Variants in ABCB7 observed in about 807,000 individuals in gnomAD.
The protein encoded by ABCB7 is ATP binding cassette subfamily B member 7.
A neutral mutation model predicts 54.4 loss-of-function variants in ABCB7; 7 were observed. The observed-to-expected ratio is 0.13, with a 90% confidence interval of 0.07 to 0.24. The LOEUF (loss-of-function observed/expected upper bound fraction) is 0.24. ABCB7 is among the 10% of genes least tolerant of loss of function. The pLI, the probability that ABCB7 is intolerant of heterozygous loss-of-function variation, is 1.00. For synonymous variants in ABCB7, 218 were observed against 207.1 expected, an observed-to-expected ratio of 1.05 and a Z score of -0.45; for missense variants, 356 against 570.4, an observed-to-expected ratio of 0.62 and a Z score of 3.83.
chrX:75,152,580 T>C (rs2082139367), intron 1 of ABCB7, among the ~76,000 whole-genome samples: 1 of 112,275 alleles, frequency 8.9e-6, no homozygotes, highest in South Asian at 3.6e-4. Flanking sequence ...GCAAATGAAG[T>C]CCACATCTTT....
At position 75,052,077 on chromosome X, in the gene ABCB7, T is replaced by C. The variant is rs1367049079; in HGVS notation, c.*1293A>G. 3 of 112,096 alleles carry C rather than the reference T, an allele frequency of 2.7e-5. No homozygotes were observed. Among genetic ancestry groups the C allele is most frequent in the Non-Finnish European group, 5.6e-5 (3 of 53,218 alleles). The allele number at this position is 112,096 out of a possible 1,213,427, so 9.2% of individuals were successfully genotyped here. A position where few individuals can be genotyped will look rare whatever the true frequency, so the allele number is the denominator to read the frequency against. On this transcript the variant is annotated 3_prime_UTR_variant, in exon 16 of 16. Coordinates refer to ENST00000373394, the MANE Select transcript of ABCB7 (RefSeq NM_001271696.3). Reference sequence around the variant, plus strand: ...AAATAAAATTCTAATCACTAGATGATAGTTATGGTGCTGCTTAATGATGAA... The same window carrying C: ...AAATAAAATTCTAATCACTAGATGACAGTTATGGTGCTGCTTAATGATGAA...
chrX:75,128,598 T>C (rs1315308865), intron 1 of ABCB7, among the ~76,000 whole-genome samples: 1 of 111,334 alleles, frequency 9.0e-6, no homozygotes, highest in African/African-American at 3.3e-5. Context: ...AATTGACAAA[T>C]GGGATCTAAT....
intron 3 of ABCB7, among the ~76,000 whole-genome samples, chrX:75,103,106 G>A (rs1164386352): frequency 9.0e-6 from 1 of 111,526 alleles, no homozygotes. Flanking sequence ...TTTGCTGTGT[G>A]GAAGCTTTTA....
chrX:75,076,340 A>T (rs1319903445), intron 5 of ABCB7, among the ~76,000 whole-genome samples, 182 bp downstream of exon 5: 1 of 112,413 alleles, frequency 8.9e-6, no homozygotes, highest in African/African-American at 3.2e-5. Flanking sequence ...GTTATCATGG[A>T]ATTTTTTGAA....
chrX:75,098,307 T>TC (rs1555950209), intron 4 of ABCB7, among the ~76,000 whole-genome samples: 1 of 97,834 alleles, frequency 1.0e-5, no homozygotes, highest in African/African-American at 3.8e-5. Context: ...AGACTCTGTA[T>TC]CAAAAAAAAA....
chrX:75,083,627 A>G (rs2081473856), intron 4 of ABCB7, among the ~76,000 whole-genome samples: 1 of 110,360 alleles, frequency 9.1e-6, no homozygotes, highest in Non-Finnish European at 1.9e-5. Flanking sequence ...AAAAAACTGG[A>G]ATAGCTAAAA....
intron 1 of ABCB7, among the ~76,000 whole-genome samples, chrX:75,117,229 G>A (rs907067166): frequency 1.8e-5 from 2 of 110,669 alleles, no homozygotes; most frequent in African/African-American, 6.6e-5. Flanking sequence ...AACCACATAA[G>A]AGACAATACT....
intron 1 of ABCB7, among the ~76,000 whole-genome samples, chrX:75,115,410 C>CTTTTTTTTTTTTTTTTTTT (rs747398607): frequency 5.0e-4 from 15 of 30,178 alleles, no homozygotes; most frequent in African/African-American, 9.0e-4. Flanking sequence ...TGTCTCTTTT[C>CTTTTTTTTTTTTTTTTTTT]TTTTTTTTTT....
At chrX:75,085,833 A>G (rs2081492688) in intron 4 of ABCB7, among the ~76,000 whole-genome samples, 1 of 107,147 alleles carries the variant, frequency 9.3e-6, no homozygotes, top group Non-Finnish European at 1.9e-5. Context: ...GTACACGAGA[A>G]ATAAAGGAAC....
chrX:75,103,224 T>G (rs1375791677), intron 3 of ABCB7, among the ~76,000 whole-genome samples: 1 of 111,641 alleles, frequency 9.0e-6, no homozygotes, highest in African/African-American at 3.2e-5. Context: ...TTCCCTATTT[T>G]TTCTTCCAGT....
intron 13 of ABCB7, among the ~76,000 whole-genome samples, chrX:75,063,052 G>A (rs1256365385): frequency 9.0e-6 from 1 of 110,926 alleles, no homozygotes; most frequent in Non-Finnish European, 1.9e-5. Context: ...AAGGATATAG[G>A]CCCAGAAAAG....
rs747398607 is a variant in ABCB7 at position 75,115,410 on chromosome X, C to CTTT, written c.169-582_169-580dup. 1.3e-3 allele frequency among the ~76,000 whole-genome samples: 39 copies of CTTT among 30,167 alleles called. 1 individual carries two copies. Among genetic ancestry groups the CTTT allele is most frequent in the African/African-American group, 6.5e-3 (36 of 5,555 alleles). 26.2% of individuals were successfully genotyped at this position (30,167 alleles called of 115,157 possible). A position where few individuals can be genotyped will look rare whatever the true frequency, so the allele number is the denominator to read the frequency against. ...TTTCTTTCTGGTTTCTGTCTCTTTT[C>CTTT]TTTTTTTTTTTTTTTTTTTTTTTTT... On this transcript the variant is annotated intron_variant, in intron 1 of 15. Coordinates refer to ENST00000373394, the MANE Select transcript of ABCB7 (RefSeq NM_001271696.3).
At chrX:75,066,939 T>C (rs1157977929) in intron 12 of ABCB7, among the ~76,000 whole-genome samples, 1 of 111,968 alleles carries the variant, frequency 8.9e-6, no homozygotes, top group Non-Finnish European at 1.9e-5. Context: ...TGTTGGACAT[T>C]TACATTGTTT....
At chrX:75,117,819 G>A (rs903209853) in intron 1 of ABCB7, among the ~76,000 whole-genome samples, 2 of 111,452 alleles carry the variant, frequency 1.8e-5, no homozygotes, top group African/African-American at 6.5e-5. Context: ...CTTCAGTGTC[G>A]CTGCAATGGG....
intron 2 of ABCB7, among the ~76,000 whole-genome samples, chrX:75,114,362 C>G (rs1020659211): frequency 8.9e-6 from 1 of 111,738 alleles, no homozygotes; most frequent in African/African-American, 3.2e-5. Flanking sequence ...CACTACCTAC[C>G]TGATGGGCTC....
intron 4 of ABCB7, among the ~76,000 whole-genome samples, chrX:75,087,827 T>C (rs746693727): frequency 8.9e-6 from 1 of 112,017 alleles, no homozygotes; most frequent in South Asian, 3.7e-4. Context: ...CTAGAGATCA[T>C]AATATCCACA....
intron 2 of ABCB7, among the ~76,000 whole-genome samples, chrX:75,113,567 G>A (rs918478166): frequency 8.1e-5 from 9 of 111,618 alleles, no homozygotes; most frequent in Non-Finnish European, 1.7e-4. Context: ...CAGAGACAGT[G>A]TCTTTTATCT....
intron 13 of ABCB7, among the ~76,000 whole-genome samples, chrX:75,064,202 GGCCTGTTTAT>G (rs2081301340): frequency 9.0e-6 from 1 of 111,571 alleles, no homozygotes; most frequent in Non-Finnish European, 1.9e-5. Context: ...CTGAATAACA[GGCCTGTTTAT>G]GCTTCATTTT....
chrX:75,078,442 A>G (rs1002389990), intron 4 of ABCB7, among the ~76,000 whole-genome samples: 14 of 111,528 alleles, frequency 1.3e-4, no homozygotes, highest in African/African-American at 4.6e-4. Flanking sequence ...GAGGGGTACA[A>G]GTGCAGTCCT....
Sources: allele counts gnomAD v4.1 joint callset (sites outside exome capture counted in the v4.1 genomes callset), GRCh38; gene constraint gnomAD v4.1.1; transcripts MANE v1.5; gene names NCBI Gene and HGNC (gene_info 2026-07-23, HGNC 2026-07-21).